RTN4IP1: variants seen among roughly 807,000 people sequenced by gnomAD.
RTN4IP1 encodes the protein reticulon 4 interacting protein 1.
Under a neutral mutation model 46.6 loss-of-function variants are expected in RTN4IP1, and 32 were observed. That is an observed-to-expected ratio of 0.69 (90% confidence interval 0.52 to 0.92). The LOEUF is 0.92. Ranked by LOEUF, RTN4IP1 falls within the 40% of genes least tolerant of loss-of-function variation. The pLI, the probability that RTN4IP1 is intolerant of heterozygous loss-of-function variation, is 0.00. For synonymous variants in RTN4IP1, 167 were observed against 161.8 expected (o/e 1.03, Z -0.24); for missense variants, 424 against 485.8 (o/e 0.87, Z 1.20).
intron 4 of RTN4IP1, 57 bp downstream of exon 4, chr6:106,619,145 G>A (rs1776419237): frequency 2.5e-6 from 4 of 1,588,832 alleles, no homozygotes; most frequent in Non-Finnish European, 3.4e-6. Flanking sequence ...CTACTGCAAG[G>A]AACTCACAGA....
chr6:106,618,942 A>G (rs1776414689), intron 4 of RTN4IP1, among the ~76,000 whole-genome samples: 1 of 152,188 alleles, frequency 6.6e-6, no homozygotes, highest in Non-Finnish European at 1.5e-5. Context: ...TTATTTTAGA[A>G]GGTTCTGACT....
intron 1 of RTN4IP1, among the ~76,000 whole-genome samples, chr6:106,623,527 T>C (rs1182351820): frequency 6.6e-6 from 1 of 152,220 alleles, no homozygotes; most frequent in East Asian, 1.9e-4. Flanking sequence ...CTTGTACCTC[T>C]CAACTTAAAA....
intron 4 of RTN4IP1, among the ~76,000 whole-genome samples, chr6:106,609,908 T>G (rs1323162976): frequency 6.6e-6 from 1 of 152,208 alleles, no homozygotes; most frequent in Non-Finnish European, 1.5e-5. Flanking sequence ...CGACCCCAAG[T>G]GCAAAAGCAG....
intron 5 of RTN4IP1, among the ~76,000 whole-genome samples, chr6:106,601,344 T>C (rs978161243): frequency 4.6e-5 from 7 of 152,198 alleles, no homozygotes; most frequent in Non-Finnish European, 1.0e-4. Context: ...TATGGAAATA[T>C]TTTCTTCCAT....
intron 6 of RTN4IP1, 63 bp downstream of exon 6, chr6:106,592,101 C>G (rs1026535580): frequency 6.0e-5 from 93 of 1,543,042 alleles, no homozygotes; most frequent in Middle Eastern, 4.1e-4. Flanking sequence ...CAAGCCATCT[C>G]AGACCTGCAT....
chr6:106,586,840 T>C (rs992446977), intron 7 of RTN4IP1, among the ~76,000 whole-genome samples: 1 of 152,190 alleles, frequency 6.6e-6, no homozygotes, highest in Admixed American at 6.5e-5. Flanking sequence ...CAAGCTCTGC[T>C]ATTAGTCTTG....
chr6:106,572,356 C>T (rs1006935638), intron 8 of RTN4IP1: 2 of 492,150 alleles, frequency 4.1e-6, no homozygotes, highest in African/African-American at 3.9e-5. Flanking sequence ...GTCTTTCACT[C>T]TCCTACTTAG....
At chr6:106,581,370 T>C (rs1582859873) in intron 8 of RTN4IP1, among the ~76,000 whole-genome samples, 1 of 152,172 alleles carries the variant, frequency 6.6e-6, no homozygotes, top group Non-Finnish European at 1.5e-5. Flanking sequence ...AATTTAAATG[T>C]CCTCCTCCAA....
intron 5 of RTN4IP1, among the ~76,000 whole-genome samples, chr6:106,596,369 G>C (rs1267889147): frequency 3.3e-5 from 5 of 152,142 alleles, no homozygotes; most frequent in African/African-American, 1.2e-4. Context: ...GGTTGCTTGA[G>C]GCCAGGAATT....
intron 7 of RTN4IP1, among the ~76,000 whole-genome samples, chr6:106,584,599 C>A (rs967186473): frequency 9.8e-5 from 15 of 152,324 alleles, no homozygotes; most frequent in Admixed American, 9.2e-4. Flanking sequence ...CCTCTTTCAG[C>A]CCATTTCCTG....
intron 8 of RTN4IP1, among the ~76,000 whole-genome samples, chr6:106,578,231 A>G (rs1345210046): frequency 6.6e-6 from 1 of 152,172 alleles, no homozygotes; most frequent in Non-Finnish European, 1.5e-5. Flanking sequence ...AACAATGAAG[A>G]CTGTAGAAGG....
intron 8 of RTN4IP1, among the ~76,000 whole-genome samples, chr6:106,578,899 GTTC>G (rs539229458): frequency 1.5e-4 from 22 of 151,042 alleles, no homozygotes; most frequent in South Asian, 4.2e-4. Flanking sequence ...CATGGTCTAA[GTTC>G]TTCTTCTTCT....
intron 1 of RTN4IP1, among the ~76,000 whole-genome samples, chr6:106,627,803 A>G (rs1423067445): frequency 2.6e-5 from 3 of 113,304 alleles, no homozygotes; most frequent in African/African-American, 1.0e-4. Context: ...GGCAGGCTGG[A>G]GTGCAAGGGC....
intron 6 of RTN4IP1, among the ~76,000 whole-genome samples, chr6:106,591,032 G>C (rs1242890601): frequency 6.6e-6 from 1 of 152,172 alleles, no homozygotes; most frequent in Non-Finnish European, 1.5e-5. Flanking sequence ...CAGCTGGAGG[G>C]ATACAGCAGG....
chr6:106,580,980 TA>T (rs11309802), intron 8 of RTN4IP1, among the ~76,000 whole-genome samples: 25,165 of 137,216 alleles, frequency 0.18, 2,700 homozygotes, highest in African/African-American at 0.32. Context: ...CATATGCTGT[TA>T]AAAAAAAAAA....
intron 7 of RTN4IP1, 40 bp from the exon 8 acceptor site, chr6:106,583,460 CAT>C: frequency 2.0e-6 from 3 of 1,514,250 alleles, no homozygotes; most frequent in Non-Finnish European, 2.7e-6. Context: ...TACAGAAAAA[CAT>C]AAAATCTGAC....
Position 106,592,196 on chromosome 6 carries a change from TC to T in RTN4IP1, c.773del (p.Gly258GlufsTer7). Reference sequence around the variant, plus strand: ...AGGATTTCAACTGCTCTTCCACACTTCCAGATTTGTAATCAATTACATCGTC... The same window carrying T: ...AGGATTTCAACTGCTCTTCCACACTTCAGATTTGTAATCAATTACATCGTC... ...GADDVIDYKS[G>X]SVEEQLKSLK... On this transcript the variant is annotated frameshift_variant, in exon 6 of 9. Transcript: ENST00000369063. LOFTEE classifies it high-confidence loss of function. 1 of 1,614,120 alleles carries T rather than the reference TC, an allele frequency of 6.2e-7. No individual in the cohort carries two copies. Among genetic ancestry groups the T allele is most frequent in the South Asian group, 1.1e-5 (1 of 91,064 alleles).
At chr6:106,591,021 C>A (rs1447006196) in intron 6 of RTN4IP1, among the ~76,000 whole-genome samples, 1 of 152,202 alleles carries the variant, frequency 6.6e-6, no homozygotes, top group African/African-American at 2.4e-5. Context: ...CTACACTCTT[C>A]CAGCTGGAGG....
chr6:106,579,390 C>T (rs934481427), intron 8 of RTN4IP1, among the ~76,000 whole-genome samples: 1 of 152,076 alleles, frequency 6.6e-6, no homozygotes, highest in Non-Finnish European at 1.5e-5. Context: ...AAATTGTGCC[C>T]AGATAGGATG....
Sources: allele counts gnomAD v4.1 joint callset (sites outside exome capture counted in the v4.1 genomes callset), GRCh38; gene constraint gnomAD v4.1.1; transcripts MANE v1.5; gene names NCBI Gene and HGNC (gene_info 2026-07-23, HGNC 2026-07-21).